Variants in MAPKAP1 observed in about 807,000 individuals in gnomAD.
MAPKAP1 encodes the protein target of rapamycin complex 2 subunit MAPKAP1.
MAPKAP1 carries 20 observed loss-of-function variants against 65.7 expected under a neutral mutation model. The observed-to-expected ratio is 0.30, with a 90% CI of 0.21 to 0.44. The LOEUF (loss-of-function observed/expected upper bound fraction) is 0.44, where lower values mean the gene tolerates loss of function less well. Among genes scored for constraint, MAPKAP1 ranks in the 20% least tolerant of loss-of-function variants. MAPKAP1 has a pLI of 1.00. For synonymous variants in MAPKAP1, 222 were observed against 244.3 expected, an observed-to-expected ratio of 0.91 and a Z score of 0.85; for missense variants, 423 against 648.0, an observed-to-expected ratio of 0.65 and a Z score of 3.77.
At chr9:125,619,851 A>T (rs1367518744) in intron 4 of MAPKAP1, among the ~76,000 whole-genome samples, 2 of 152,158 alleles carry the variant, frequency 1.3e-5, no homozygotes, top group Admixed American at 6.5e-5. Flanking sequence ...CAAAGTCAAG[A>T]TACATAATAA....
chr9:125,440,611 A>C (rs1852444007), intron 11 of MAPKAP1, among the ~76,000 whole-genome samples: 1 of 152,262 alleles, frequency 6.6e-6, no homozygotes, highest in Non-Finnish European at 1.5e-5. Context: ...GCGAGATGGC[A>C]ACGCCTCAGA....
At chr9:125,542,018 C>T (rs761439664) in intron 7 of MAPKAP1, among the ~76,000 whole-genome samples, 8 of 152,190 alleles carry the variant, frequency 5.3e-5, no homozygotes, top group African/African-American at 1.4e-4. Flanking sequence ...TGCTTGCAGA[C>T]GCTAGCAGGT....
chr9:125,596,294 C>T (rs1832123516), intron 4 of MAPKAP1: 5 of 760,104 alleles, frequency 6.6e-6, no homozygotes, highest in Middle Eastern at 3.7e-4. Context: ...AAGGTGACTT[C>T]GGTAGGAATG....
chr9:125,444,712 G>A, intron 10 of MAPKAP1, 114 bp from the exon 11 acceptor site: 1 of 674,978 alleles, frequency 1.5e-6, no homozygotes, highest in South Asian at 2.0e-5. Context: ...AGGCTGAGCA[G>A]CACCTAGTCT....
chr9:125,511,845 A>G (rs1829310567), intron 7 of MAPKAP1, among the ~76,000 whole-genome samples: 2 of 152,232 alleles, frequency 1.3e-5, no homozygotes, highest in South Asian at 2.1e-4. Flanking sequence ...GCAGAGAGGA[A>G]CACAAAAGGA....
chr9:125,611,189 A>G (rs1381958553), intron 4 of MAPKAP1, among the ~76,000 whole-genome samples: 2 of 152,220 alleles, frequency 1.3e-5, no homozygotes, highest in Non-Finnish European at 2.9e-5. Context: ...TGCTCACTGA[A>G]CTTTTACTAA....
At chr9:125,686,133 G>A (rs761693022) in intron 1 of MAPKAP1, among the ~76,000 whole-genome samples, 2 of 152,008 alleles carry the variant, frequency 1.3e-5, no homozygotes, top group South Asian at 4.2e-4. Context: ...TGGCTAACAC[G>A]GTGAAACCCC....
At chr9:125,695,511 G>A (rs1031371519) in intron 1 of MAPKAP1, among the ~76,000 whole-genome samples, 2 of 152,082 alleles carry the variant, frequency 1.3e-5, no homozygotes, top group Non-Finnish European at 2.9e-5. Context: ...ATAATATACA[G>A]AATGCTTTGG....
chr9:125,704,741 C>T (rs895754173), intron 1 of MAPKAP1, among the ~76,000 whole-genome samples: 2 of 152,178 alleles, frequency 1.3e-5, no homozygotes, highest in Admixed American at 6.5e-5. Context: ...CAATGACTTG[C>T]ATGACTCAGG....
intron 10 of MAPKAP1, among the ~76,000 whole-genome samples, chr9:125,459,514 G>C (rs1279058655): frequency 6.6e-6 from 1 of 152,232 alleles, no homozygotes; most frequent in African/African-American, 2.4e-5. Context: ...CTGCACTCCA[G>C]CCTGGGCACC....
chr9:125,535,084 T>G (rs755966099), intron 7 of MAPKAP1, among the ~76,000 whole-genome samples: 1 of 152,212 alleles, frequency 6.6e-6, no homozygotes, highest in Non-Finnish European at 1.5e-5. Flanking sequence ...TAAGCTCACT[T>G]ATCAGGCCTG....
At chr9:125,509,584 C>A (rs1306190718) in intron 7 of MAPKAP1, among the ~76,000 whole-genome samples, 1 of 152,166 alleles carries the variant, frequency 6.6e-6, no homozygotes, top group Non-Finnish European at 1.5e-5. Context: ...AAAGCAGACA[C>A]GATCTGTTTA....
intron 9 of MAPKAP1, chr9:125,471,506 G>A (rs973040732): frequency 6.6e-6 from 1 of 152,608 alleles, no homozygotes; most frequent in African/African-American, 2.4e-5. Context: ...AAGGGAGTCA[G>A]AGAGGTTCCT....
intron 4 of MAPKAP1, among the ~76,000 whole-genome samples, chr9:125,588,090 A>G (rs939440765): frequency 5.3e-5 from 8 of 152,236 alleles, no homozygotes; most frequent in Admixed American, 4.6e-4. Flanking sequence ...AACTAAAAAC[A>G]TATGCTCACA....
intron 5 of MAPKAP1, chr9:125,568,028 TG>T (rs1184935387): frequency 6.6e-6 from 1 of 152,084 alleles, no homozygotes; most frequent in Non-Finnish European, 1.5e-5. Flanking sequence ...AGAATGAGAT[TG>T]GTAAAGAATG....
intron 7 of MAPKAP1, among the ~76,000 whole-genome samples, chr9:125,532,509 C>T (rs1484408442): frequency 6.6e-6 from 1 of 152,266 alleles, no homozygotes; most frequent in Non-Finnish European, 1.5e-5. Context: ...AATTTATCCA[C>T]TCTGACTTCA....
At chr9:125,537,288 T>C (rs1038730928) in intron 7 of MAPKAP1, among the ~76,000 whole-genome samples, 1 of 152,192 alleles carries the variant, frequency 6.6e-6, no homozygotes, top group Non-Finnish European at 1.5e-5. Context: ...TGCACCTCTT[T>C]TTTCCTTTAA....
intron 4 of MAPKAP1, among the ~76,000 whole-genome samples, chr9:125,603,622 G>A (rs1270815895): frequency 6.6e-6 from 1 of 152,206 alleles, no homozygotes; most frequent in Non-Finnish European, 1.5e-5. Context: ...TTGAGTCTTA[G>A]TCAGTCCAAC....
chr9:125,676,586 C>G (rs1298541738), intron 1 of MAPKAP1, among the ~76,000 whole-genome samples: 1 of 152,138 alleles, frequency 6.6e-6, no homozygotes, highest in Non-Finnish European at 1.5e-5. Flanking sequence ...GACAGAAAGT[C>G]TAACAGCAGT....
Sources: gnomAD v4.1 joint callset for allele counts (sites outside exome capture counted in the v4.1 genomes callset) on GRCh38, gnomAD v4.1.1 for gene constraint, MANE v1.5 for transcripts, NCBI Gene and HGNC (gene_info 2026-07-23, HGNC 2026-07-21) for gene names.